CACYBP: variants seen among roughly 807,000 people sequenced by gnomAD.
CACYBP encodes calcyclin-binding protein.
In CACYBP, 11 loss-of-function variants were observed where a neutral mutation model predicts 29.6. That is an observed-to-expected ratio of 0.37 (90% confidence interval 0.23 to 0.61). The LOEUF (loss-of-function observed/expected upper bound fraction) is 0.61, where lower values mean the gene tolerates loss of function less well. Among genes scored for constraint, CACYBP ranks in the 20% least tolerant of loss-of-function variants. CACYBP has a pLI of 0.65. For missense variants in CACYBP, 163 were observed against 260.7 expected, an observed-to-expected ratio of 0.63 and a Z score of 2.58; for synonymous variants, 73 against 88.3, an observed-to-expected ratio of 0.83 and a Z score of 0.97.
chr1:175,004,906 C>A, intron 2 of CACYBP, 73 bp downstream of exon 2: 1 of 972,184 alleles, frequency 1.0e-6, no homozygotes, highest in Non-Finnish European at 1.7e-6. Flanking sequence ...ACAAATTCAT[C>A]CCCAATGAGT....
intron 1 of CACYBP, among the ~76,000 whole-genome samples, chr1:175,000,801 A>G (rs1056409722): frequency 4.6e-5 from 7 of 152,260 alleles, no homozygotes; most frequent in Non-Finnish European, 7.3e-5. Flanking sequence ...TTTAAAATAA[A>G]TAACTTGGAA....
Position 175,010,908 on chromosome 1 carries a change from A to ATTACT in CACYBP, c.*833_*837dup, listed in dbSNP as rs1469441289. On this transcript the variant is annotated 3_prime_UTR_variant, in exon 6 of 6. Transcript: ENST00000367679. ...GTCAGGACCAGTGCCTGTGATCTCCATTACTTTATTTTCCTGGAGGTATTA... is the reference window on the plus strand; with the variant it reads ...GTCAGGACCAGTGCCTGTGATCTCCATTACTTTACTTTATTTTCCTGGAGGTATTA... 6 of 152,060 alleles carry ATTACT rather than the reference A, an allele frequency of 3.9e-5. No homozygotes were observed. The highest frequency in any genetic ancestry group is 6.6e-5 in the Admixed American group (1 of 15,246). The allele number at this position is 152,060 out of a possible 1,614,324, so 9.4% of individuals were successfully genotyped here. A position where few individuals can be genotyped will look rare whatever the true frequency, so the allele number is the denominator to read the frequency against.
In CACYBP at chr1:175,000,015, T is replaced by C. The variant is rs1672422577; in HGVS notation, c.-166T>C. 3 of 981,796 alleles carry C rather than the reference T, an allele frequency of 3.1e-6. No individual in the cohort carries two copies. The highest frequency in any genetic ancestry group is 1.5e-6 in the Non-Finnish European group (1 of 649,944). 60.8% of individuals were successfully genotyped at this position (981,796 alleles called of 1,614,324 possible). On this transcript the variant is annotated 5_prime_UTR_variant, in exon 1 of 6. Coordinates refer to ENST00000367679, the MANE Select transcript of CACYBP (RefSeq NM_014412.3). The stretch of plus-strand genomic sequence containing the variant: ...TCGCGAAGGTTCGAGATCCGTCGCG[T>C]GCGGGAGGCGGGCCGCGATCTTGCG...
Position 175,000,034 on chromosome 1 carries a change from T to C in CACYBP, c.-147T>C. 8.5e-7 allele frequency: 1 copy of C among 1,175,076 alleles called. No individual in the cohort carries two copies. The highest frequency in any genetic ancestry group is 1.2e-6 in the Non-Finnish European group (1 of 815,100). 72.8% of individuals were successfully genotyped at this position (1,175,076 alleles called of 1,614,324 possible). ...GTCGCGTGCGGGAGGCGGGCCGCGATCTTGCGCAGGGTCGGTGTGGGCGCA... is the reference window on the plus strand; with the variant it reads ...GTCGCGTGCGGGAGGCGGGCCGCGACCTTGCGCAGGGTCGGTGTGGGCGCA... On this transcript the variant is annotated 5_prime_UTR_variant, in exon 1 of 6. Coordinates refer to ENST00000367679, the MANE Select transcript of CACYBP (RefSeq NM_014412.3).
Position 175,000,145 on chromosome 1 carries a change from G to T in CACYBP, c.-36G>T. 1 of 1,597,718 alleles carries T rather than the reference G, an allele frequency of 6.3e-7. No homozygotes were observed. The highest frequency in any genetic ancestry group is 8.5e-7 in the Non-Finnish European group (1 of 1,172,044). On this transcript the variant is annotated 5_prime_UTR_variant, in exon 1 of 6. Transcript: ENST00000367679. ...GGGTTTCCTGTTCCTCCTTCTGCGC[G>T]GCTGCAGCTCGGGACTTCGGCCTGA...
chr1:175,001,505 C>T (rs886564672), intron 1 of CACYBP, among the ~76,000 whole-genome samples: 6 of 152,148 alleles, frequency 3.9e-5, no homozygotes, highest in African/African-American at 1.4e-4. Context: ...TCCCTCAGCC[C>T]CTGACAACTA....
In CACYBP at chr1:175,004,574, C is replaced by T. The variant is rs1672569238; in HGVS notation, c.16-40C>T. ...GATACGCACAATATCAAGCCATTTC[C>T]TTATTTATCATAGCTAACTTATTTT... On this transcript the variant is annotated intron_variant, in intron 1 of 5. Coordinates refer to ENST00000367679, the MANE Select transcript of CACYBP (RefSeq NM_014412.3). 6.3e-6 allele frequency: 8 copies of T among 1,277,796 alleles called. No individual in the cohort carries two copies. The South Asian group carries it at 1.1e-4, about 18-fold the overall frequency. The allele number at this position is 1,277,796 out of a possible 1,614,324, so 79.2% of individuals were successfully genotyped here. A position where few individuals can be genotyped will look rare whatever the true frequency, so the allele number is the denominator to read the frequency against.
chr1:175,000,908 G>A (rs1193311320), intron 1 of CACYBP, among the ~76,000 whole-genome samples: 1 of 152,206 alleles, frequency 6.6e-6, no homozygotes, highest in Non-Finnish European at 1.5e-5. Context: ...GACTTAGTTT[G>A]CTCAGTTAGA....
intron 5 of CACYBP, among the ~76,000 whole-genome samples, chr1:175,009,570 C>T (rs892275208): frequency 6.8e-6 from 1 of 147,466 alleles, no homozygotes; most frequent in African/African-American, 2.5e-5. Flanking sequence ...TTGTTTGAAC[C>T]TGGGAGGCGG....
In CACYBP at chr1:175,011,273, G is replaced by C. The variant is rs1246333169; in HGVS notation, c.*1194G>C. ...ATAAGTAAATACTGAAACACATTAT[G>C]CCTCTGTAATTGGGGTTGACACATG... On this transcript the variant is annotated 3_prime_UTR_variant, in exon 6 of 6. Coordinates refer to ENST00000367679, the MANE Select transcript of CACYBP (RefSeq NM_014412.3). The C allele has an allele frequency of 6.6e-6, 1 of 152,102 alleles. No homozygotes were observed. Among genetic ancestry groups the C allele is most frequent in the African/African-American group, 2.4e-5 (1 of 41,400 alleles). 9.4% of individuals were successfully genotyped at this position (152,102 alleles called of 1,614,324 possible).
chr1:175,006,914 T>C, intron 3 of CACYBP, 73 bp downstream of exon 3: 2 of 956,094 alleles, frequency 2.1e-6, no homozygotes, highest in South Asian at 2.8e-5. Flanking sequence ...CTCTCTTCTT[T>C]GCAGTTTTTA....
At chr1:174,999,933 G>A, upstream of CACYBP, 1 of 569,288 alleles carries the variant, frequency 1.8e-6, no homozygotes. Flanking sequence ...GGAAGGGTGG[G>A]TGGAGCCAGG....
chr1:175,011,622 A>ACTT lies in CACYBP; in HGVS notation c.*1545_*1547dup, dbSNP rs1465668324. 3 of 152,270 alleles carry ACTT rather than the reference A, an allele frequency of 2.0e-5. No individual in the cohort carries two copies. Among genetic ancestry groups the ACTT allele is most frequent in the Non-Finnish European group, 4.4e-5 (3 of 68,046 alleles). 9.4% of individuals were successfully genotyped at this position (152,270 alleles called of 1,614,324 possible). ...TGACAGGATTCCAATAATTAAGAAT[A>ACTT]CTTCATACAAAAAGAAATGTAAATG... On this transcript the variant is annotated 3_prime_UTR_variant, in exon 6 of 6. Transcript: ENST00000367679.
intron 1 of CACYBP, among the ~76,000 whole-genome samples, chr1:175,003,583 T>C (rs1672547031): frequency 6.6e-6 from 1 of 152,268 alleles, no homozygotes; most frequent in Non-Finnish European, 1.5e-5. Flanking sequence ...GTTGTGCGTC[T>C]GATATTCTGA....
chr1:175,006,600 A>T, intron 2 of CACYBP, 145 bp from the exon 3 acceptor site: 1 of 535,758 alleles, frequency 1.9e-6, no homozygotes, highest in Non-Finnish European at 3.3e-6. Flanking sequence ...CAACCTAGAA[A>T]ATTTCTTATA....
upstream of CACYBP, chr1:174,999,832 G>T: frequency 4.5e-6 from 2 of 448,364 alleles, no homozygotes; most frequent in Non-Finnish European, 8.0e-6. Flanking sequence ...CGGTTCGCTC[G>T]CGAGACTTGA....
At chr1:175,005,744 G>A (rs747480562) in intron 2 of CACYBP, among the ~76,000 whole-genome samples, 6 of 152,176 alleles carry the variant, frequency 3.9e-5, no homozygotes, top group Non-Finnish European at 7.4e-5. Context: ...AAGGTGTTGA[G>A]GATTATGGTA....
In CACYBP at chr1:175,010,878, C is replaced by T. The variant is rs1434621112; in HGVS notation, c.*799C>T. The T allele has an allele frequency of 1.3e-5, 2 of 152,084 alleles. No individual in the cohort carries two copies. The highest frequency in any genetic ancestry group is 6.6e-5 in the Admixed American group (1 of 15,258). The allele number at this position is 152,084 out of a possible 1,614,324, so 9.4% of individuals were successfully genotyped here. A position where few individuals can be genotyped will look rare whatever the true frequency, so the allele number is the denominator to read the frequency against. ...TTAGTAGGAATTACTCCTATTCCCC[C>T]TGAAGTCAGGACCAGTGCCTGTGAT... On this transcript the variant is annotated 3_prime_UTR_variant, in exon 6 of 6. Transcript: ENST00000367679.
chr1:175,008,741 T>G, intron 5 of CACYBP, 35 bp downstream of exon 5: 1 of 981,922 alleles, frequency 1.0e-6, no homozygotes, highest in Non-Finnish European at 1.7e-6. Context: ...AGAATTTTAG[T>G]GTATTGTTTG....
Sources: gnomAD v4.1 joint callset for allele counts (sites outside exome capture counted in the v4.1 genomes callset) on GRCh38, gnomAD v4.1.1 for gene constraint, MANE v1.5 for transcripts, NCBI Gene and HGNC (gene_info 2026-07-23, HGNC 2026-07-21) for gene names.